The following TMEM87B variants were observed in gnomAD, a reference collection of about 807,000 sequenced individuals.
TMEM87B encodes the protein transmembrane protein 87B.
In TMEM87B, 83 loss-of-function variants were observed where a neutral mutation model predicts 80.3. That is an observed-to-expected ratio of 1.03 (90% CI 0.87 to 1.24). TMEM87B has a LOEUF of 1.24. TMEM87B is among the 50% of genes most tolerant of loss of function. The pLI, the probability that TMEM87B is intolerant of heterozygous loss-of-function variation, is 0.00. For missense variants in TMEM87B, 625 were observed against 674.4 expected, an observed-to-expected ratio of 0.93 and a Z score of 0.81; for synonymous variants, 219 against 230.5, an observed-to-expected ratio of 0.95 and a Z score of 0.45.
rs1679134694 is a variant in TMEM87B at position 112,086,025 on chromosome 2, G to A, written c.859G>A (p.Ala287Thr). 6.2e-7 allele frequency: 1 copy of A among 1,613,986 alleles called. No individual in the cohort carries two copies. The highest frequency in any genetic ancestry group is 8.5e-7 in the Non-Finnish European group (1 of 1,180,020). The change falls in exon 9 of 19, where the codon GCG (alanine) becomes ACG (threonine). Residue 287 changes from alanine (A) to threonine (T), a missense_variant. Physicochemically the swap from Ala to Thr is moderately conservative, Grantham distance 58 (BLOSUM62 0). Coordinates refer to ENST00000283206, the MANE Select transcript of TMEM87B (RefSeq NM_032824.3). Reference protein sequence around the residue: ...GLSTQGLLIFAELISAIKRTL... With the variant: ...GLSTQGLLIFTELISAIKRTL... ...CTCAGCCCAAGGCTTATTGATATTT[G>A]CGGAGTTGATTTCTGCGATTAAGAG...
chr2:112,057,603 G>T (rs1465761264), intron 1 of TMEM87B, among the ~76,000 whole-genome samples: 1 of 152,000 alleles, frequency 6.6e-6, no homozygotes, highest in African/African-American at 2.4e-5. Context: ...AGTGTACAAG[G>T]GAGCAAATGG....
At chr2:112,084,266 T>C (rs1242996059) in intron 8 of TMEM87B, among the ~76,000 whole-genome samples, 1 of 152,182 alleles carries the variant, frequency 6.6e-6, no homozygotes, top group East Asian at 1.9e-4. Flanking sequence ...TTTGTGATGA[T>C]AAACCCCTTC....
chr2:112,095,165 C>CTTTTTTTTTTTTTTTTTTTTTT lies in TMEM87B; in HGVS notation c.1105-1853_1105-1832dup, dbSNP rs749222333. The CTTTTTTTTTTTTTTTTTTTTTT allele has an allele frequency of 3.7e-5, 20 of 540,882 alleles. 3 individuals carry two copies. In the Admixed American group the frequency reaches 1.0e-3, roughly 28 times the overall value. The allele number at this position is 540,882 out of a possible 1,614,324, so 33.5% of individuals were successfully genotyped here. A position where few individuals can be genotyped will look rare whatever the true frequency, so the allele number is the denominator to read the frequency against. On this transcript the variant is annotated intron_variant, in intron 11 of 18. Transcript: ENST00000283206. ...CGTTTCTCTTTTCTTTTCTTTCTTT[C>CTTTTTTTTTTTTTTTTTTTTTT]TTTTTTTTTTTTTTTTTTTTTTTTT...
At chr2:112,108,981 T>C (rs954521) in intron 17 of TMEM87B, among the ~76,000 whole-genome samples, 12,640 of 152,226 alleles carry the variant, frequency 0.083, 626 homozygotes, top group African/African-American at 0.14. Flanking sequence ...CTTATTATTG[T>C]CCACCTTTTT....
In TMEM87B at chr2:112,097,350, T is replaced by G. The variant is rs1679501375; in HGVS notation, c.1272+59T>G. Reference sequence around the variant, plus strand: ...TTATTTATACTATTTTGTAGAATTTTGAACAATTTAGTTTATGCTTGCAAA... The same window carrying G: ...TTATTTATACTATTTTGTAGAATTTGGAACAATTTAGTTTATGCTTGCAAA... On this transcript the variant is annotated intron_variant, in intron 13 of 18. Transcript: ENST00000283206. The G allele has an allele frequency of 1.2e-5, 16 of 1,382,708 alleles. 1 individual carries two copies. In the East Asian group the frequency reaches 3.8e-4, roughly 33 times the overall value. 85.7% of individuals were successfully genotyped at this position (1,382,708 alleles called of 1,614,324 possible). A position where few individuals can be genotyped will look rare whatever the true frequency, so the allele number is the denominator to read the frequency against.
At position 112,118,577 on chromosome 2, in the gene TMEM87B, A is replaced by G. The variant is rs1573737264; in HGVS notation, c.*2434A>G. On this transcript the variant is annotated 3_prime_UTR_variant, in exon 19 of 19. Transcript: ENST00000283206. ...ATTAGTATTTAAATATCTGCTTTAG[A>G]TAGCAATTAATTTTATTGTAAAAAT... 2.0e-5 allele frequency: 3 copies of G among 152,308 alleles called. No individual in the cohort carries two copies. The highest frequency in any genetic ancestry group is 3.9e-4 in the East Asian group (2 of 5,192). The allele number at this position is 152,308 out of a possible 1,614,324, so 9.4% of individuals were successfully genotyped here.
At chr2:112,097,334 C>A in intron 13 of TMEM87B, 43 bp downstream of exon 13, 1 of 1,469,082 alleles carries the variant, frequency 6.8e-7, no homozygotes. Flanking sequence ...TTTATTTATA[C>A]TATTTTGTAG....
rs761947233 is a variant in TMEM87B, at chr2:112,098,652, C to T, written c.1330C>T (p.Leu444Phe). 1 of 1,614,026 alleles carries T rather than the reference C, an allele frequency of 6.2e-7. No individual in the cohort carries two copies. Among genetic ancestry groups the T allele is most frequent in the South Asian group, 1.1e-5 (1 of 91,078 alleles). The part of the protein sequence containing the change: ...AFWSFLFSLI[L>F]IVIMFLWRPS... ...TTGGAGCTTCCTTTTTTCGCTTATC[C>T]TTATTGTAATCATGTTTTTGTGGAG... The change falls in exon 14 of 19, where the codon CTT becomes TTT. Residue 444 changes from leucine to phenylalanine, a missense_variant. Physicochemically the swap from Leu to Phe is conservative, Grantham distance 22. Transcript: ENST00000283206.
At chr2:112,094,212 A>C (rs1330930253) in intron 11 of TMEM87B, among the ~76,000 whole-genome samples, 1 of 141,230 alleles carries the variant, frequency 7.1e-6, no homozygotes, top group Non-Finnish European at 1.5e-5. Context: ...ACCAGGTTGG[A>C]GTGCAGTGGC....
At chr2:112,080,019 T>C (rs933740634) in intron 6 of TMEM87B, among the ~76,000 whole-genome samples, 2 of 130,538 alleles carry the variant, frequency 1.5e-5, no homozygotes, top group South Asian at 2.7e-4. Context: ...AACCTCCACC[T>C]CCTGGGTTCA....
chr2:112,059,314 G>A (rs1463620409), intron 1 of TMEM87B, among the ~76,000 whole-genome samples: 1 of 152,000 alleles, frequency 6.6e-6, no homozygotes, highest in Non-Finnish European at 1.5e-5. Flanking sequence ...ATTATATAAG[G>A]GAGGGCCTGG....
Position 112,079,875 on chromosome 2 carries a change from A to G in TMEM87B, c.593-1182A>G, listed in dbSNP as rs185137506. Among the ~76,000 whole-genome samples, 283 of 143,496 alleles carry G rather than the reference A, an allele frequency of 2.0e-3. 1 individual carries two copies. The highest frequency in any genetic ancestry group is 3.3e-3 in the Non-Finnish European group (218 of 65,512). 94.1% of individuals were successfully genotyped at this position (143,496 alleles called of 152,430 possible). A position where few individuals can be genotyped will look rare whatever the true frequency, so the allele number is the denominator to read the frequency against. On this transcript the variant is annotated intron_variant, in intron 6 of 18. Coordinates refer to ENST00000283206, the MANE Select transcript of TMEM87B (RefSeq NM_032824.3). ...TGTTGAGCATTTTTCATGTATTAATATCTTTTGCTCATTTATATGTTTTCT... is the reference window on the plus strand; with the variant it reads ...TGTTGAGCATTTTTCATGTATTAATGTCTTTTGCTCATTTATATGTTTTCT...
chr2:112,098,062 G>C (rs545531316), intron 13 of TMEM87B, among the ~76,000 whole-genome samples: 14 of 151,798 alleles, frequency 9.2e-5, no homozygotes, highest in Non-Finnish European at 2.1e-4. Context: ...TGCAACCTCC[G>C]CCTCCCGGGT....
intron 16 of TMEM87B, among the ~76,000 whole-genome samples, chr2:112,106,820 A>G (rs1679781191): frequency 6.6e-6 from 1 of 152,218 alleles, no homozygotes; most frequent in Non-Finnish European, 1.5e-5. Context: ...GACATTTTTT[A>G]TCTGTTAGAT....
rs776275872 is a variant in TMEM87B at position 112,060,007 on chromosome 2, A to G, written c.196A>G (p.Met66Val). The G allele has an allele frequency of 1.7e-5, 27 of 1,593,770 alleles. No individual in the cohort carries two copies. Among genetic ancestry groups the G allele is most frequent in the Middle Eastern group, 1.8e-4 (1 of 5,510 alleles). Residue 66 changes from methionine (M) to valine (V), a missense_variant, in exon 2 of 19, where the codon ATG becomes GTG. Met to Val is a conservative substitution (Grantham distance 21). Transcript: ENST00000283206. Reference sequence around the variant, plus strand: ...AGGACCTTTGATATTTAGGAAAACTATGTTTAACTCTACAGATATCAAGTT... The same window carrying G: ...AGGACCTTTGATATTTAGGAAAACTGTGTTTAACTCTACAGATATCAAGTT... ...KSGPLIFRKT[M>V]FNSTDIKLSV...
intron 8 of TMEM87B, among the ~76,000 whole-genome samples, chr2:112,083,080 C>A (rs929759132): frequency 3.3e-5 from 5 of 152,228 alleles, no homozygotes. Context: ...GATCTTGAAG[C>A]ATCAAATTTA....
At chr2:112,108,584 G>C (rs967286940) in intron 17 of TMEM87B, among the ~76,000 whole-genome samples, 5 of 152,088 alleles carry the variant, frequency 3.3e-5, no homozygotes, top group African/African-American at 1.2e-4. Flanking sequence ...CACTTAAAAG[G>C]TTGGTCACTT....
chr2:112,097,712 CAAAAA>C (rs68175814), intron 13 of TMEM87B, among the ~76,000 whole-genome samples: 2 of 57,244 alleles, frequency 3.5e-5, no homozygotes, highest in Admixed American at 2.5e-4. Context: ...GACTCCATCT[CAAAAA>C]AAAAAAAAAA....
At chr2:112,056,650 A>C (rs1173416194) in intron 1 of TMEM87B, among the ~76,000 whole-genome samples, 1 of 152,194 alleles carries the variant, frequency 6.6e-6, no homozygotes, top group Non-Finnish European at 1.5e-5. Context: ...GGTTCTAAAG[A>C]TGAGACTTAT....
Sources: allele counts gnomAD v4.1 joint callset (sites outside exome capture counted in the v4.1 genomes callset), GRCh38; gene constraint gnomAD v4.1.1; transcripts MANE v1.5; gene names NCBI Gene and HGNC (gene_info 2026-07-23, HGNC 2026-07-21).